The following CYP2J2 variants were observed in gnomAD, a reference collection of about 807,000 sequenced individuals.
CYP2J2 encodes cytochrome P450 2J2.
In CYP2J2, 41 loss-of-function variants were observed where a neutral mutation model predicts 48.8. The observed-to-expected ratio is 0.84, with a 90% CI of 0.66 to 1.09. The LOEUF (loss-of-function observed/expected upper bound fraction) is 1.09, where lower values mean the gene tolerates loss of function less well. Ranked by LOEUF, CYP2J2 falls within the 50% of genes least tolerant of loss-of-function variation. The pLI, the probability that CYP2J2 is intolerant of heterozygous loss-of-function variation, is 0.00. For missense variants in CYP2J2, 644 were observed against 617.3 expected, an observed-to-expected ratio of 1.04 and a Z score of -0.46; for synonymous variants, 221 against 227.1, an observed-to-expected ratio of 0.97 and a Z score of 0.24.
At chr1:59,967,570 C>A in the CYP2J2 span, among the ~76,000 whole-genome samples, 1 of 152,314 alleles carries the variant, frequency 6.6e-6, no homozygotes, top group African/African-American at 2.4e-5. Flanking sequence ...ACCAGACTTG[C>A]CTTTGTGTGT....
intron 1 of CYP2J2, among the ~76,000 whole-genome samples, chr1:59,920,651 A>C (rs1467299737): frequency 6.6e-6 from 1 of 151,922 alleles, no homozygotes; most frequent in Non-Finnish European, 1.5e-5. Context: ...AATATTTTGG[A>C]TCTTGTTTGG....
At chr1:59,932,627 G>A in the CYP2J2 span, among the ~76,000 whole-genome samples, 1 of 151,682 alleles carries the variant, frequency 6.6e-6, no homozygotes, top group Non-Finnish European at 1.5e-5. Context: ...GCCAGAAACT[G>A]AGATATACAT....
At chr1:59,952,501 C>T in the CYP2J2 span, among the ~76,000 whole-genome samples, 4 of 152,152 alleles carry the variant, frequency 2.6e-5, no homozygotes, top group South Asian at 8.3e-4. Flanking sequence ...AGTTATCAGG[C>T]ATTGTCTAAT....
chr1:59,912,642 A>C (rs1212663584), intron 2 of CYP2J2: 1 of 214,826 alleles, frequency 4.7e-6, no homozygotes, highest in Non-Finnish European at 9.3e-6. Context: ...TGCATTTTAC[A>C]GGGTCTCACA....
At chr1:59,955,182 T>TA in the CYP2J2 span, among the ~76,000 whole-genome samples, 1 of 148,568 alleles carries the variant, frequency 6.7e-6, no homozygotes, top group African/African-American at 2.5e-5. Context: ...ATTAAAAAAA[T>TA]AAAAAATATG....
intron 1 of CYP2J2, among the ~76,000 whole-genome samples, chr1:59,917,128 C>A (rs1644473421): frequency 6.6e-6 from 1 of 152,120 alleles, no homozygotes; most frequent in Non-Finnish European, 1.5e-5. Flanking sequence ...AACTCCCCAG[C>A]TATAAAAGGG....
chr1:59,937,519 G>A, the CYP2J2 span, among the ~76,000 whole-genome samples: 3 of 152,104 alleles, frequency 2.0e-5, no homozygotes, highest in Non-Finnish European at 4.4e-5. Flanking sequence ...CTTAAACACA[G>A]TTAGGAATCT....
chr1:59,896,008 A>G (rs1443088237), intron 8 of CYP2J2, among the ~76,000 whole-genome samples: 2 of 152,186 alleles, frequency 1.3e-5, no homozygotes, highest in Non-Finnish European at 2.9e-5. Flanking sequence ...AAAATATTCC[A>G]GATTTGACCA....
At chr1:59,954,819 T>C in the CYP2J2 span, among the ~76,000 whole-genome samples, 1 of 151,978 alleles carries the variant, frequency 6.6e-6, no homozygotes, top group Non-Finnish European at 1.5e-5. Context: ...TTTAGAGGTA[T>C]GTTTGGCCTC....
the CYP2J2 span, among the ~76,000 whole-genome samples, chr1:59,958,808 T>C: frequency 6.6e-6 from 1 of 152,202 alleles, no homozygotes; most frequent in African/African-American, 2.4e-5. Flanking sequence ...TCCATGCTTA[T>C]ACTCTAGACC....
At chr1:59,957,309 G>GTTGGA in the CYP2J2 span, among the ~76,000 whole-genome samples, 9 of 151,646 alleles carry the variant, frequency 5.9e-5, no homozygotes, top group East Asian at 1.6e-3. Context: ...ATCTTGGAAA[G>GTTGGA]ATCTAGAAGT....
At chr1:59,966,284 T>C in the CYP2J2 span, among the ~76,000 whole-genome samples, 1 of 152,348 alleles carries the variant, frequency 6.6e-6, no homozygotes, top group East Asian at 1.9e-4. Context: ...TTTATCTCTT[T>C]CCAAAGGCCT....
chr1:59,946,225 T>C, the CYP2J2 span, among the ~76,000 whole-genome samples: 1 of 152,204 alleles, frequency 6.6e-6, no homozygotes, highest in Non-Finnish European at 1.5e-5. Context: ...TAGTCTACTG[T>C]TGGCACCCTG....
At chr1:59,925,611 C>G (rs1338547033) in intron 1 of CYP2J2, among the ~76,000 whole-genome samples, 1 of 152,156 alleles carries the variant, frequency 6.6e-6, no homozygotes, top group Non-Finnish European at 1.5e-5. Flanking sequence ...TTTTAACATT[C>G]TGTGGCTAAT....
chr1:59,951,120 G>C, the CYP2J2 span, among the ~76,000 whole-genome samples: 2 of 152,212 alleles, frequency 1.3e-5, no homozygotes, highest in Non-Finnish European at 2.9e-5. Context: ...TTCCACACTA[G>C]CTAAGGAAAC....
chr1:59,918,357 T>C (rs534435325), intron 1 of CYP2J2, among the ~76,000 whole-genome samples: 1 of 152,310 alleles, frequency 6.6e-6, no homozygotes, highest in East Asian at 1.9e-4. Context: ...TCTTAGCTTG[T>C]ACTTGGGAGG....
At chr1:59,966,586 T>C in the CYP2J2 span, among the ~76,000 whole-genome samples, 3 of 152,302 alleles carry the variant, frequency 2.0e-5, no homozygotes, top group African/African-American at 4.8e-5. Flanking sequence ...AAATGTGCTA[T>C]GAACAAACAT....
chr1:59,952,171 G>A, the CYP2J2 span, among the ~76,000 whole-genome samples: 3 of 152,112 alleles, frequency 2.0e-5, no homozygotes, highest in African/African-American at 4.8e-5. Context: ...CTAGGGAGGA[G>A]CATGAGGGCA....
the CYP2J2 span, among the ~76,000 whole-genome samples, chr1:59,960,062 A>G: frequency 6.6e-6 from 1 of 152,172 alleles, no homozygotes; most frequent in South Asian, 2.1e-4. Context: ...AATAAAAAGA[A>G]TGCAAGCTCC....
Sources: gnomAD v4.1 joint callset for allele counts (sites outside exome capture counted in the v4.1 genomes callset) on GRCh38, gnomAD v4.1.1 for gene constraint, MANE v1.5 for transcripts, NCBI Gene and HGNC (gene_info 2026-07-23, HGNC 2026-07-21) for gene names.